Variants in DMD observed in about 807,000 individuals in gnomAD.
The protein encoded by DMD is dystrophin, also known as mutant dystrophin.
In DMD, 63 loss-of-function variants were observed where a neutral mutation model predicts 330.1. The observed-to-expected ratio is 0.19, with a 90% CI of 0.16 to 0.24. The LOEUF is 0.24. DMD is among the 10% of genes least tolerant of loss of function. The probability of loss-of-function intolerance (pLI) is 1.00; values close to 1 mark genes in which losing one functional copy is unlikely to be tolerated. For synonymous variants in DMD, 1,223 were observed against 959.8 expected (o/e 1.27, Z -5.07); for missense variants, 3,344 against 2,684.1 (o/e 1.25, Z -5.43).
At chrX:31,764,312 T>TA (rs1428717590) in intron 51 of DMD, among the ~76,000 whole-genome samples, 1 of 111,818 alleles carries the variant, frequency 8.9e-6, no homozygotes, top group Non-Finnish European at 1.9e-5. Flanking sequence ...TTACATAACT[T>TA]AAAAAAATCA....
intron 13 of DMD, among the ~76,000 whole-genome samples, chrX:32,580,272 C>G (rs1452740703): frequency 9.0e-6 from 1 of 111,727 alleles, no homozygotes; most frequent in Non-Finnish European, 1.9e-5. Context: ...GCACAAATAT[C>G]CCAAAACTGA....
intron 48 of DMD, among the ~76,000 whole-genome samples, chrX:31,854,294 T>A (rs2093579064): frequency 8.9e-6 from 1 of 111,897 alleles, no homozygotes; most frequent in Admixed American, 9.5e-5. Context: ...CACATTTTTC[T>A]TGGTGAAAAA....
intron 2 of DMD, among the ~76,000 whole-genome samples, chrX:32,974,367 T>C (rs1158926227): frequency 9.0e-6 from 1 of 110,756 alleles, no homozygotes; most frequent in African/African-American, 3.3e-5. Context: ...AACTAGATAG[T>C]GATGATAGTT....
At chrX:31,277,470 A>T (rs1316374996) in intron 62 of DMD, among the ~76,000 whole-genome samples, 1 of 112,271 alleles carries the variant, frequency 8.9e-6, no homozygotes, top group Non-Finnish European at 1.9e-5. Context: ...ATTGATAAGG[A>T]GGAAAGAGTG....
chrX:32,094,385 T>C (rs1229322149), intron 44 of DMD, among the ~76,000 whole-genome samples: 1 of 112,190 alleles, frequency 8.9e-6, no homozygotes, highest in Admixed American at 9.5e-5. Context: ...ATTGCATAAT[T>C]GAAGAGTTTG....
At chrX:31,922,566 C>T (rs1159977200) in intron 47 of DMD, among the ~76,000 whole-genome samples, 2 of 108,396 alleles carry the variant, frequency 1.8e-5, no homozygotes, top group African/African-American at 3.4e-5. Flanking sequence ...AGGCAGACCT[C>T]GGTACTGAGC....
At chrX:33,198,644 G>A (rs1181067535) in intron 1 of DMD, among the ~76,000 whole-genome samples, 2 of 110,803 alleles carry the variant, frequency 1.8e-5, no homozygotes, top group Admixed American at 9.7e-5. Context: ...AATATATATG[G>A]GGAAACCTAA....
intron 44 of DMD, among the ~76,000 whole-genome samples, chrX:32,122,932 A>G (rs1204911241): frequency 9.1e-6 from 1 of 109,709 alleles, no homozygotes. Flanking sequence ...CACTAAGTTT[A>G]GCCAGACTTC....
intron 62 of DMD, among the ~76,000 whole-genome samples, chrX:31,284,849 CA>C (rs1569517085): frequency 1.9e-4 from 20 of 106,813 alleles, no homozygotes; most frequent in African/African-American, 4.6e-4. Flanking sequence ...CACACACACA[CA>C]CACACACACA....
At chrX:32,555,291 G>A (rs1260562602) in intron 16 of DMD, among the ~76,000 whole-genome samples, 2 of 111,023 alleles carry the variant, frequency 1.8e-5, no homozygotes, top group Non-Finnish European at 3.8e-5. Context: ...AGGTATCGAA[G>A]GAACATACCT....
chrX:32,398,938 T>C (rs2098066245), intron 30 of DMD, among the ~76,000 whole-genome samples: 1 of 111,356 alleles, frequency 9.0e-6, no homozygotes, highest in South Asian at 3.7e-4. Flanking sequence ...GATAAATCCA[T>C]ACATCTACAG....
intron 48 of DMD, among the ~76,000 whole-genome samples, chrX:31,874,338 A>C (rs1391386846): frequency 9.0e-6 from 1 of 111,373 alleles, no homozygotes; most frequent in East Asian, 2.8e-4. Context: ...CAGAATGAGA[A>C]GATAGAAAGG....
At chrX:32,897,762 G>C (rs1004150368) in intron 2 of DMD, among the ~76,000 whole-genome samples, 13 of 111,651 alleles carry the variant, frequency 1.2e-4, no homozygotes, top group Non-Finnish European at 2.1e-4. Context: ...CTATTAAGAA[G>C]AGCATGACTG....
intron 18 of DMD, among the ~76,000 whole-genome samples, chrX:32,515,473 G>A (rs1814338533): frequency 9.0e-6 from 1 of 111,135 alleles, no homozygotes; most frequent in Non-Finnish European, 1.9e-5. Flanking sequence ...GATAGGGAGG[G>A]TTTCAAGAGA....
chrX:31,146,222 T>A, intron 76 of DMD, 69 bp downstream of exon 76: 1 of 1,145,296 alleles, frequency 8.7e-7, no homozygotes, highest in Non-Finnish European at 1.2e-6. Flanking sequence ...CGGCCAAATA[T>A]TCATGTCCCT....
At chrX:33,097,155 T>C (rs1267714872) in intron 1 of DMD, among the ~76,000 whole-genome samples, 1 of 111,276 alleles carries the variant, frequency 9.0e-6, no homozygotes, top group Non-Finnish European at 1.9e-5. Flanking sequence ...ACATAAACTA[T>C]GATTCTTAGA....
At chrX:32,853,769 G>GAAAAAAAAAAAAAAAAAAAAAAAAAA (rs1162458210) in intron 2 of DMD, among the ~76,000 whole-genome samples, 4 of 56,074 alleles carry the variant, frequency 7.1e-5, no homozygotes, top group Admixed American at 2.4e-4. Context: ...CACAGTGACA[G>GAAAAAAAAAAAAAAAAAAAAAAAAAA]AAAAAAAAAA....
At chrX:31,620,306 T>G (rs892772513) in intron 55 of DMD, among the ~76,000 whole-genome samples, 8 of 111,171 alleles carry the variant, frequency 7.2e-5, no homozygotes, top group African/African-American at 2.6e-4. Context: ...AAAGGAAAAA[T>G]GAAAATTTCC....
rs150452303 is a variant in DMD at position 31,221,183 on chromosome X, A to G, written c.9361+1864T>C. On this transcript the variant is annotated intron_variant, in intron 64 of 78. Coordinates refer to ENST00000357033, the MANE Select transcript of DMD (RefSeq NM_004006.3). ...CTCCTGTCACTCCCACATCGCACCAATCCATACTCTGTTCCACAGCAAGAA... is the reference window on the plus strand; with the variant it reads ...CTCCTGTCACTCCCACATCGCACCAGTCCATACTCTGTTCCACAGCAAGAA... Among the ~76,000 whole-genome samples the G allele has an allele frequency of 6.6e-3, 733 of 110,876 alleles. 2 individuals are homozygous for G. The highest frequency in any genetic ancestry group is 0.046 in the Middle Eastern group (10 of 216).
Sources: allele counts gnomAD v4.1 joint callset (sites outside exome capture counted in the v4.1 genomes callset), GRCh38; gene constraint gnomAD v4.1.1; transcripts MANE v1.5; gene names NCBI Gene and HGNC (gene_info 2026-07-23, HGNC 2026-07-21).